ZNF423: variants seen among roughly 807,000 people sequenced by gnomAD.
ZNF423 encodes Ebf-associated zinc finger protein.
A neutral mutation model predicts 95.8 loss-of-function variants in ZNF423; 12 were observed. The ratio of observed to expected loss-of-function variants is 0.13; its 90% CI spans 0.08 to 0.20. The LOEUF (loss-of-function observed/expected upper bound fraction) is 0.20. ZNF423 is among the 10% of genes least tolerant of loss of function. The probability of loss-of-function intolerance (pLI) is 1.00; values close to 1 mark genes in which losing one functional copy is unlikely to be tolerated. For missense variants in ZNF423, 1,316 were observed against 1,737.1 expected, an observed-to-expected ratio of 0.76 and a Z score of 4.31; for synonymous variants, 749 against 711.9, an observed-to-expected ratio of 1.05 and a Z score of -0.83.
At chr16:49,755,033 G>A (rs1370819931) in intron 2 of ZNF423, among the ~76,000 whole-genome samples, 2 of 152,194 alleles carry the variant, frequency 1.3e-5, no homozygotes, top group East Asian at 1.9e-4. Context: ...CGCGGTGGCA[G>A]CGGCACGCTC....
chr16:49,509,640 G>A (rs8062075), intron 7 of ZNF423, among the ~76,000 whole-genome samples: 8,182 of 152,092 alleles, frequency 0.054, 328 homozygotes, highest in African/African-American at 0.11. Flanking sequence ...CTGGTCTCTC[G>A]TTGATGGGGG....
At chr16:49,804,273 G>T (rs146039600) in intron 1 of ZNF423, among the ~76,000 whole-genome samples, 1 of 152,100 alleles carries the variant, frequency 6.6e-6, no homozygotes, top group East Asian at 1.9e-4. Flanking sequence ...TTAAAATTCT[G>T]ATTTTTTTAC....
At chr16:49,805,311 G>A (rs2034645158) in intron 1 of ZNF423, among the ~76,000 whole-genome samples, 1 of 152,212 alleles carries the variant, frequency 6.6e-6, no homozygotes, top group Non-Finnish European at 1.5e-5. Flanking sequence ...CATACCTGTA[G>A]TGAGAACACA....
chr16:49,690,448 A>G (rs531872379), intron 3 of ZNF423, among the ~76,000 whole-genome samples: 40 of 152,244 alleles, frequency 2.6e-4, no homozygotes, highest in Non-Finnish European at 5.6e-4. Context: ...GCTCATGCTC[A>G]GGATTTGAGG....
chr16:49,721,268 A>G (rs1329629990), intron 3 of ZNF423, among the ~76,000 whole-genome samples: 2 of 152,172 alleles, frequency 1.3e-5, no homozygotes, highest in African/African-American at 4.8e-5. Flanking sequence ...AGCCAAAAGG[A>G]TCACAGCAAC....
intron 6 of ZNF423, among the ~76,000 whole-genome samples, chr16:49,524,302 T>C (rs1229161027): frequency 6.6e-6 from 1 of 152,210 alleles, no homozygotes; most frequent in Non-Finnish European, 1.5e-5. Flanking sequence ...CAGGGTCTTG[T>C]ACAAGAAGTT....
chr16:49,662,457 A>G (rs992074478), intron 3 of ZNF423, among the ~76,000 whole-genome samples: 1 of 152,194 alleles, frequency 6.6e-6, no homozygotes, highest in African/African-American at 2.4e-5. Flanking sequence ...CATTTTTTAA[A>G]ATGACATTGC....
chr16:49,739,645 T>C (rs2033370301), intron 2 of ZNF423, among the ~76,000 whole-genome samples: 1 of 152,036 alleles, frequency 6.6e-6, no homozygotes, highest in Non-Finnish European at 1.5e-5. Flanking sequence ...TACCTACCAT[T>C]TCCAAAGTCT....
intron 1 of ZNF423, among the ~76,000 whole-genome samples, chr16:49,835,338 T>A (rs2035106074): frequency 6.6e-6 from 1 of 152,098 alleles, no homozygotes; most frequent in African/African-American, 2.4e-5. Flanking sequence ...GGGCCCAGAC[T>A]CAGCAGGACT....
At chr16:49,618,134 G>A (rs777531056) in intron 5 of ZNF423, among the ~76,000 whole-genome samples, 39 of 152,216 alleles carry the variant, frequency 2.6e-4, no homozygotes, top group Non-Finnish European at 5.1e-4. Flanking sequence ...TAAGGGCGCA[G>A]GCCCCGAGTC....
At chr16:49,779,173 GAC>G (rs555025188) in intron 2 of ZNF423, among the ~76,000 whole-genome samples, 64 of 152,186 alleles carry the variant, frequency 4.2e-4, no homozygotes, top group African/African-American at 1.5e-3. Context: ...GGGCTGTGGA[GAC>G]ACAGAGAATC....
At chr16:49,692,124 A>T (rs1596865153) in intron 3 of ZNF423, among the ~76,000 whole-genome samples, 3 of 151,526 alleles carry the variant, frequency 2.0e-5, no homozygotes, top group African/African-American at 7.3e-5. Flanking sequence ...TTATTTTTGA[A>T]TTTTTTTTGT....
chr16:49,644,474 G>C (rs1973095777), intron 3 of ZNF423, among the ~76,000 whole-genome samples: 1 of 148,638 alleles, frequency 6.7e-6, no homozygotes. Context: ...GAGCAATATA[G>C]CAAGACCCTG....
chr16:49,779,268 G>A (rs2143760437), intron 2 of ZNF423, among the ~76,000 whole-genome samples: 1 of 151,918 alleles, frequency 6.6e-6, no homozygotes, highest in South Asian at 2.1e-4. Flanking sequence ...CAAGCAGAGG[G>A]CAGCGGGAGC....
chr16:49,842,398 AAGGAAGGAAGGAAGGCAGGCAGGCAGGC>A lies in ZNF423; in HGVS notation c.40+13309_40+13336del, dbSNP rs771975912. 1.6e-3 allele frequency among the ~76,000 whole-genome samples: 207 copies of A among 125,552 alleles called. 1 individual carries two copies. The highest frequency in any genetic ancestry group is 8.5e-3 in the Middle Eastern group (2 of 236). The allele number at this position is 125,552 out of a possible 152,430, so 82.4% of individuals were successfully genotyped here. A position where few individuals can be genotyped will look rare whatever the true frequency, so the allele number is the denominator to read the frequency against. On this transcript the variant is annotated intron_variant, in intron 1 of 7. Coordinates refer to ENST00000563137, the MANE Select transcript of ZNF423 (RefSeq NM_001379286.1). ...GAAGGAAGGAAGGAAGGAAGGAAGG[AAGGAAGGAAGGAAGGCAGGCAGGCAGGC>A]AGGCAGGCAGGCAGGCAGGCAGGCC... is the stretch of plus-strand genomic sequence containing the variant.
intron 7 of ZNF423, chr16:49,518,681 C>A (rs1462896999): frequency 2.8e-6 from 1 of 359,992 alleles, no homozygotes; most frequent in Non-Finnish European, 5.3e-6. Context: ...TATATTTTTA[C>A]CTTTTTCCAG....
intron 1 of ZNF423, among the ~76,000 whole-genome samples, chr16:49,842,098 A>T (rs2035187769): frequency 6.6e-6 from 1 of 150,956 alleles, no homozygotes; most frequent in Non-Finnish European, 1.5e-5. Flanking sequence ...TTAGCCAGGC[A>T]TGGGGGGCAG....
intron 7 of ZNF423, among the ~76,000 whole-genome samples, chr16:49,496,910 T>G (rs1244783301): frequency 6.6e-6 from 1 of 152,186 alleles, no homozygotes; most frequent in Non-Finnish European, 1.5e-5. Flanking sequence ...CATAGAGGTT[T>G]AATGGACTGA....
chr16:49,852,879 G>A (rs1429733871), intron 1 of ZNF423, among the ~76,000 whole-genome samples: 2 of 152,158 alleles, frequency 1.3e-5, no homozygotes, highest in Non-Finnish European at 2.9e-5. Flanking sequence ...CAGAAGGGAG[G>A]TTGTGTCCGT....
Sources: gnomAD v4.1 joint callset for allele counts (sites outside exome capture counted in the v4.1 genomes callset) on GRCh38, gnomAD v4.1.1 for gene constraint, MANE v1.5 for transcripts, NCBI Gene and HGNC (gene_info 2026-07-23, HGNC 2026-07-21) for gene names.